HDAC4: variants seen among roughly 807,000 people sequenced by gnomAD.
HDAC4 encodes the protein histone deacetylase A.
In HDAC4, 16 loss-of-function variants were observed where a neutral mutation model predicts 135.1. The ratio of observed to expected loss-of-function variants is 0.12; its 90% CI spans 0.08 to 0.18. The LOEUF is 0.18. HDAC4 is among the 10% of genes least tolerant of loss of function. The pLI is 1.00. For synonymous variants in HDAC4, 685 were observed against 653.4 expected (o/e 1.05, Z -0.74); for missense variants, 1,143 against 1,511.8 (o/e 0.76, Z 4.05).
In HDAC4 at chr2:239,262,735, C is replaced by T. The variant is rs1198192336; in HGVS notation, c.23-26071G>A. ...GGCTGAAGGCGCAACGGGCACAGGG[C>T]ATTCTGTGGGCCACGCTCGCAGCCC... On this transcript the variant is annotated intron_variant, in intron 2 of 26. Coordinates refer to ENST00000543185, the MANE Select transcript of HDAC4 (RefSeq NM_001378414.1). The surrounding 1 kb of genome is among the most constrained non-coding windows in gnomAD (Gnocchi z 4.1). Among the ~76,000 whole-genome samples, 1 of 152,180 alleles carries T rather than the reference C, an allele frequency of 6.6e-6. No homozygotes were observed. The highest frequency in any genetic ancestry group is 1.5e-5 in the Non-Finnish European group (1 of 68,038).
chr2:239,071,866 G>A (rs985482459), intron 22 of HDAC4, among the ~76,000 whole-genome samples: 6 of 152,076 alleles, frequency 3.9e-5, no homozygotes, highest in African/African-American at 7.2e-5. Flanking sequence ...CGGTTGAGAC[G>A]CCCATGGTGT....
At position 239,050,389 on chromosome 2, in the gene HDAC4, A is replaced by T. The variant is rs2030654609; in HGVS notation, c.*2708T>A. 6.6e-6 allele frequency: 1 copy of T among 152,218 alleles called. No homozygotes were observed. Among genetic ancestry groups the T allele is most frequent in the Admixed American group, 6.5e-5 (1 of 15,282 alleles). 9.4% of individuals were successfully genotyped at this position (152,218 alleles called of 1,614,324 possible). A position where few individuals can be genotyped will look rare whatever the true frequency, so the allele number is the denominator to read the frequency against. ...GCAGGATCCCCAGAGGGCTATGCAG[A>T]GAATGAGGCCAAGGAGGCCAGAAGA... On this transcript the variant is annotated 3_prime_UTR_variant, in exon 27 of 27. Transcript: ENST00000543185.
chr2:239,198,009 T>C (rs2045516755), intron 3 of HDAC4, among the ~76,000 whole-genome samples: 2 of 152,056 alleles, frequency 1.3e-5, no homozygotes, highest in South Asian at 4.1e-4. Context: ...TGCACCACCA[T>C]GCCCAGCTAA....
At chr2:239,171,169 CAA>C (rs34204026) in intron 5 of HDAC4, among the ~76,000 whole-genome samples, 3,074 of 114,374 alleles carry the variant, frequency 0.027, 48 homozygotes, top group African/African-American at 0.067. Flanking sequence ...ACAATCTGAC[CAA>C]AAAAAAAAAA....
chr2:239,059,432 C>CG (rs978471164), intron 24 of HDAC4, among the ~76,000 whole-genome samples: 30 of 152,086 alleles, frequency 2.0e-4, no homozygotes, highest in African/African-American at 5.5e-4. Flanking sequence ...AACCCAAGTT[C>CG]GGGGGGGTAC....
At position 239,299,393 on chromosome 2, in the gene HDAC4, C is replaced by T. The variant is rs113832219; in HGVS notation, c.22+53285G>A. Among the ~76,000 whole-genome samples the T allele has an allele frequency of 4.7e-4, 72 of 152,268 alleles. No homozygotes were observed. Among genetic ancestry groups the T allele is most frequent in the African/African-American group, 1.6e-3 (68 of 41,564 alleles). Reference sequence around the variant, plus strand: ...CAATGATCAGGACGGAGGTGCCTAACAATCCCAATAAAATGCTGACATGGG... The same window carrying T: ...CAATGATCAGGACGGAGGTGCCTAATAATCCCAATAAAATGCTGACATGGG... On this transcript the variant is annotated intron_variant, in intron 2 of 26. Transcript: ENST00000543185. The surrounding 1 kb of genome is among the most constrained non-coding windows in gnomAD (Gnocchi z 4.0).
intron 12 of HDAC4, among the ~76,000 whole-genome samples, chr2:239,121,973 C>T (rs140476559): frequency 1.3e-3 from 205 of 152,284 alleles, no homozygotes; most frequent in African/African-American, 4.8e-3. Flanking sequence ...CTGTGCAGCC[C>T]GAAGGCCTTG....
rs1022031726 is a variant in HDAC4 at position 239,400,017 on chromosome 2, C to G, written c.-220+961G>C. 2.0e-5 allele frequency among the ~76,000 whole-genome samples: 3 copies of G among 152,216 alleles called. No homozygotes were observed. Among genetic ancestry groups the G allele is most frequent in the Non-Finnish European group, 4.4e-5 (3 of 68,036 alleles). On this transcript the variant is annotated intron_variant, in intron 1 of 26. Transcript: ENST00000543185. This position sits in a 1 kb window ranked among gnomAD's most constrained non-coding sequence, Gnocchi z 4.7. ...GGCCTTTCCAACTGATACGCACGGT[C>G]TCCTCCTATAACAGTGTCAAATAAT...
intron 1 of HDAC4, among the ~76,000 whole-genome samples, chr2:239,387,619 G>T (rs1285645092): frequency 6.6e-6 from 1 of 152,162 alleles, no homozygotes; most frequent in Non-Finnish European, 1.5e-5. Flanking sequence ...GGGACAATAC[G>T]CTTTATACCC....
At chr2:239,345,015 TC>T (rs1283436867) in intron 2 of HDAC4, among the ~76,000 whole-genome samples, 1 of 151,822 alleles carries the variant, frequency 6.6e-6, no homozygotes, top group Non-Finnish European at 1.5e-5. Context: ...TTGTCCAAGC[TC>T]CCCTGGACTC....
chr2:239,206,570 A>T (rs1257702982), intron 3 of HDAC4, among the ~76,000 whole-genome samples: 1 of 152,162 alleles, frequency 6.6e-6, no homozygotes, highest in African/African-American at 2.4e-5. Context: ...AAATGACATG[A>T]CAGGGCTAAA....
chr2:239,273,575 C>T (rs1447900273), intron 2 of HDAC4, among the ~76,000 whole-genome samples: 12 of 152,172 alleles, frequency 7.9e-5, no homozygotes, highest in Admixed American at 7.9e-4. Flanking sequence ...CCTTCAGGAC[C>T]CGCTCATCAC....
At chr2:239,396,191 G>A (rs1291315632) in intron 1 of HDAC4, among the ~76,000 whole-genome samples, 2 of 151,142 alleles carry the variant, frequency 1.3e-5, no homozygotes, top group Non-Finnish European at 2.9e-5. Context: ...GCCCAGGCTG[G>A]TCTTGAACTC....
At chr2:239,208,186 G>T (rs559994607) in intron 3 of HDAC4, among the ~76,000 whole-genome samples, 1 of 151,730 alleles carries the variant, frequency 6.6e-6, no homozygotes, top group East Asian at 1.9e-4. Flanking sequence ...AAATAGCCGG[G>T]TGCGGTCGTG....
intron 3 of HDAC4, among the ~76,000 whole-genome samples, chr2:239,224,711 T>A (rs1181199584): frequency 6.6e-6 from 1 of 152,220 alleles, no homozygotes; most frequent in African/African-American, 2.4e-5. Context: ...GTATTCCATA[T>A]GCCAAGGGCA....
At chr2:239,196,327 G>A (rs73103321) in intron 3 of HDAC4, among the ~76,000 whole-genome samples, 338 of 152,256 alleles carry the variant, frequency 2.2e-3, no homozygotes, top group African/African-American at 7.6e-3. Context: ...TGCATCCTCC[G>A]CTTCAATGAG....
At chr2:239,389,821 C>T (rs990921309) in intron 1 of HDAC4, among the ~76,000 whole-genome samples, 3 of 152,194 alleles carry the variant, frequency 2.0e-5, no homozygotes, top group East Asian at 1.9e-4. Flanking sequence ...GTTCCCCAGC[C>T]GGCTTCTGGA....
chr2:239,355,285 T>C (rs1693419854), intron 1 of HDAC4, among the ~76,000 whole-genome samples: 1 of 152,256 alleles, frequency 6.6e-6, no homozygotes, highest in Non-Finnish European at 1.5e-5. Context: ...TCCTATGCTA[T>C]TTGGCTGAAG....
intron 22 of HDAC4, among the ~76,000 whole-genome samples, chr2:239,076,469 G>A (rs2034775673): frequency 6.6e-6 from 1 of 152,224 alleles, no homozygotes; most frequent in African/African-American, 2.4e-5. Flanking sequence ...TTCAACATCT[G>A]GAAAGAAATG....
Sources: gnomAD v4.1 joint callset for allele counts (sites outside exome capture counted in the v4.1 genomes callset) on GRCh38, gnomAD v4.1.1 for gene constraint, Gnocchi (gnomAD v3.1) non-coding constraint, MANE v1.5 for transcripts, NCBI Gene and HGNC (gene_info 2026-07-23, HGNC 2026-07-21) for gene names.